The following ZHX2 variants were observed in gnomAD, a reference collection of about 807,000 sequenced individuals.
The protein encoded by ZHX2 is zinc fingers and homeoboxes protein 2.
A neutral mutation model predicts 21.9 loss-of-function variants in ZHX2; 6 were observed. The ratio of observed to expected loss-of-function variants is 0.27; its 90% CI spans 0.15 to 0.54. The LOEUF (loss-of-function observed/expected upper bound fraction) is 0.54. Among genes scored for constraint, ZHX2 ranks in the 20% least tolerant of loss-of-function variants. ZHX2 has a pLI of 0.95. For synonymous variants in ZHX2, 434 were observed against 437.1 expected, an observed-to-expected ratio of 0.99 and a Z score of 0.09; for missense variants, 908 against 1,090.7, an observed-to-expected ratio of 0.83 and a Z score of 2.36.
chr8:122,871,085 G>A (rs943903520), intron 2 of ZHX2, among the ~76,000 whole-genome samples: 1 of 152,168 alleles, frequency 6.6e-6, no homozygotes, highest in East Asian at 1.9e-4. Flanking sequence ...AGGAGTCCAC[G>A]TGGCTTCAAT....
chr8:122,790,501 C>T (rs1012461278), intron 1 of ZHX2, among the ~76,000 whole-genome samples: 2 of 152,158 alleles, frequency 1.3e-5, no homozygotes, highest in Non-Finnish European at 2.9e-5. Context: ...ACATCTGCTG[C>T]CCATTGTCAT....
At chr8:122,894,904 C>G (rs1820061429) in intron 2 of ZHX2, among the ~76,000 whole-genome samples, 1 of 152,170 alleles carries the variant, frequency 6.6e-6, no homozygotes, top group Admixed American at 6.5e-5. Context: ...CTCTGTCCCC[C>G]TCAGTGTCTG....
intron 2 of ZHX2, among the ~76,000 whole-genome samples, chr8:122,879,407 A>G (rs564366175): frequency 3.2e-4 from 49 of 151,726 alleles, no homozygotes; most frequent in African/African-American, 1.1e-3. Flanking sequence ...GGGTTTCACC[A>G]TGTTGGCCAG....
intron 2 of ZHX2, among the ~76,000 whole-genome samples, chr8:122,866,200 A>G (rs1453401011): frequency 6.6e-6 from 1 of 152,218 alleles, no homozygotes; most frequent in Non-Finnish European, 1.5e-5. Context: ...CAGCTTAGGT[A>G]GTGTGGTCTC....
chr8:122,921,172 C>T (rs1026387105), intron 2 of ZHX2, among the ~76,000 whole-genome samples: 3 of 152,096 alleles, frequency 2.0e-5, no homozygotes, highest in African/African-American at 4.8e-5. Context: ...ACCTCTGCCT[C>T]CCAGGTTCAA....
At chr8:122,834,283 G>A (rs1436320350) in intron 1 of ZHX2, among the ~76,000 whole-genome samples, 1 of 152,240 alleles carries the variant, frequency 6.6e-6, no homozygotes, top group African/African-American at 2.4e-5. Context: ...CAGGGCCGAT[G>A]AGATCCAAGT....
chr8:122,933,721 C>T (rs1051045893), intron 2 of ZHX2, among the ~76,000 whole-genome samples: 3 of 152,156 alleles, frequency 2.0e-5, no homozygotes, highest in Non-Finnish European at 4.4e-5. Flanking sequence ...ACAATGTGAT[C>T]GGTTTATGAT....
At position 122,837,153 on chromosome 8, in the gene ZHX2, G is replaced by A. The variant is rs187571306; in HGVS notation, c.-282-26324G>A. On this transcript the variant is annotated intron_variant, in intron 1 of 3. Transcript: ENST00000314393. ...GCATGAAGAATCCACCCCTTGTTTA[G>A]CATATCATCAAGAAATAACCATAAA... is the stretch of plus-strand genomic sequence containing the variant. Among the ~76,000 whole-genome samples the A allele has an allele frequency of 5.3e-5, 8 of 152,226 alleles. No homozygotes were observed. The East Asian group carries it at 5.8e-4, about 11-fold the overall frequency.
chr8:122,955,068 C>CCGG (rs1161369733), intron 3 of ZHX2, among the ~76,000 whole-genome samples: 2 of 33,640 alleles, frequency 5.9e-5, no homozygotes, highest in Non-Finnish European at 1.1e-4. Context: ...GTCACATAAG[C>CCGG]CGGGGGGGGG....
At chr8:122,836,708 T>C (rs1420620956) in intron 1 of ZHX2, among the ~76,000 whole-genome samples, 4 of 152,230 alleles carry the variant, frequency 2.6e-5, no homozygotes, top group Non-Finnish European at 5.9e-5. Context: ...CGGGTACGTG[T>C]CTTCCAGCCA....
At chr8:122,910,149 A>G (rs1485198019) in intron 2 of ZHX2, among the ~76,000 whole-genome samples, 1 of 151,052 alleles carries the variant, frequency 6.6e-6, no homozygotes, top group Non-Finnish European at 1.5e-5. Flanking sequence ...AAAAAAAATC[A>G]GAGCTGGACA....
chr8:122,850,605 A>T (rs1818868069), intron 1 of ZHX2, among the ~76,000 whole-genome samples: 1 of 144,140 alleles, frequency 6.9e-6, no homozygotes, highest in Non-Finnish European at 1.5e-5. Flanking sequence ...GCACCACTGC[A>T]CTCCAGCCTG....
chr8:122,794,126 G>A (rs902069119), intron 1 of ZHX2, among the ~76,000 whole-genome samples: 2 of 152,172 alleles, frequency 1.3e-5, no homozygotes, highest in African/African-American at 4.8e-5. Flanking sequence ...CTTTCACTGG[G>A]TGGTTGCTCA....
chr8:122,839,075 T>C (rs1170958422), intron 1 of ZHX2, among the ~76,000 whole-genome samples: 1 of 152,216 alleles, frequency 6.6e-6, no homozygotes, highest in African/African-American at 2.4e-5. Flanking sequence ...GGGTTTTTCG[T>C]GTATGATTAT....
chr8:122,780,382 T>A (rs1817252536), upstream of ZHX2: 1 of 152,366 alleles, frequency 6.6e-6, no homozygotes, highest in Non-Finnish European at 1.5e-5. Context: ...TCCCTTTGTT[T>A]TCTCGCTGCG....
In ZHX2 at chr8:122,788,434, A is replaced by G. The variant is rs1262743699; in HGVS notation, c.-283+6488A>G. On this transcript the variant is annotated intron_variant, in intron 1 of 3. Transcript: ENST00000314393. The stretch of plus-strand genomic sequence containing the variant: ...ACTAAAAAATGAACTGGGCGTGGTG[A>G]CACACACCTGTAGTCCCAGCTACTT... 6.6e-5 allele frequency among the ~76,000 whole-genome samples: 10 copies of G among 151,946 alleles called. No homozygotes were observed. In the East Asian group the frequency reaches 1.4e-3, roughly 21 times the overall value.
At chr8:122,949,974 T>G (rs1813069058) in intron 2 of ZHX2, among the ~76,000 whole-genome samples, 1 of 152,138 alleles carries the variant, frequency 6.6e-6, no homozygotes, top group African/African-American at 2.4e-5. Flanking sequence ...TTTACTACTG[T>G]TAAATAGGCT....
intron 2 of ZHX2, among the ~76,000 whole-genome samples, chr8:122,867,497 AGC>A (rs1819327606): frequency 6.6e-6 from 1 of 152,252 alleles, no homozygotes; most frequent in Non-Finnish European, 1.5e-5. Flanking sequence ...CTCTAACAGA[AGC>A]AGTGTGTTTT....
rs1446119886 is a variant in ZHX2 at position 122,974,002 on chromosome 8, TG to T, written c.*768del. The T allele has an allele frequency of 1.3e-5, 2 of 152,710 alleles. No homozygotes were observed. The highest frequency in any genetic ancestry group is 3.8e-4 in the East Asian group (2 of 5,200). The allele number at this position is 152,710 out of a possible 1,614,324, so 9.5% of individuals were successfully genotyped here. A position where few individuals can be genotyped will look rare whatever the true frequency, so the allele number is the denominator to read the frequency against. The stretch of plus-strand genomic sequence containing the variant: ...TGTGCCCAGCCAGCCCTGGGAGAAC[TG>T]GGTAGCAGGTGGCTGACTTCTTTAA... On this transcript the variant is annotated 3_prime_UTR_variant, in exon 4 of 4. Coordinates refer to ENST00000314393, the MANE Select transcript of ZHX2 (RefSeq NM_014943.5).
Sources: allele counts gnomAD v4.1 joint callset (sites outside exome capture counted in the v4.1 genomes callset), GRCh38; gene constraint gnomAD v4.1.1; transcripts MANE v1.5; gene names NCBI Gene and HGNC (gene_info 2026-07-23, HGNC 2026-07-21).